The following EXOC6B variants were observed in gnomAD, a reference collection of about 807,000 sequenced individuals.
The protein encoded by EXOC6B is exocyst complex component 6B, also known as SEC15 homolog B.
Under a neutral mutation model 113.5 loss-of-function variants are expected in EXOC6B, and 54 were observed. The observed-to-expected ratio is 0.48, with a 90% confidence interval of 0.38 to 0.60. The LOEUF is 0.60. EXOC6B is among the 20% of genes least tolerant of loss of function. EXOC6B has a pLI of 0.00. For synonymous variants in EXOC6B, 357 were observed against 339.0 expected, an observed-to-expected ratio of 1.05 and a Z score of -0.58; for missense variants, 797 against 977.5, an observed-to-expected ratio of 0.82 and a Z score of 2.46.
At chr2:72,183,753 A>T (rs569939137) in intron 21 of EXOC6B, among the ~76,000 whole-genome samples, 1 of 150,840 alleles carries the variant, frequency 6.6e-6, no homozygotes, top group East Asian at 1.9e-4. Context: ...CTGAGCCCCA[A>T]ACCGAGCCAT....
intron 20 of EXOC6B, among the ~76,000 whole-genome samples, chr2:72,212,122 G>T (rs1469979284): frequency 6.6e-6 from 1 of 152,206 alleles, no homozygotes; most frequent in African/African-American, 2.4e-5. Flanking sequence ...GTTTCTAAAG[G>T]TGGTTGACAG....
chr2:72,195,936 A>C (rs1273239164), intron 20 of EXOC6B, among the ~76,000 whole-genome samples: 1 of 152,224 alleles, frequency 6.6e-6, no homozygotes, highest in Non-Finnish European at 1.5e-5. Context: ...GTGTATGTAC[A>C]AGCAGACTTT....
chr2:72,823,159 A>AG (rs1285691702), intron 1 of EXOC6B, among the ~76,000 whole-genome samples: 1 of 151,366 alleles, frequency 6.6e-6, no homozygotes, highest in African/African-American at 2.4e-5. Context: ...CTAAAAAAAA[A>AG]AAAAAAAAAA....
intron 18 of EXOC6B, among the ~76,000 whole-genome samples, chr2:72,452,214 A>T (rs1454674857): frequency 6.6e-6 from 1 of 152,202 alleles, no homozygotes; most frequent in African/African-American, 2.4e-5. Flanking sequence ...CTGTGATCAA[A>T]ATAGATGTCA....
chr2:72,484,566 C>CAAA (rs1163864913), intron 16 of EXOC6B, among the ~76,000 whole-genome samples: 9 of 52,410 alleles, frequency 1.7e-4, no homozygotes, highest in Admixed American at 4.7e-4. Context: ...GACTCCGTCA[C>CAAA]AAAAAAAAAA....
chr2:72,406,447 T>G (rs925353513), intron 18 of EXOC6B, among the ~76,000 whole-genome samples: 1 of 152,136 alleles, frequency 6.6e-6, no homozygotes, highest in African/African-American at 2.4e-5. Flanking sequence ...GACCACATAG[T>G]TGGAAGTAAA....
intron 20 of EXOC6B, among the ~76,000 whole-genome samples, chr2:72,312,493 TG>T (rs1283167231): frequency 6.6e-6 from 1 of 152,108 alleles, no homozygotes; most frequent in African/African-American, 2.4e-5. Flanking sequence ...GAATTTTTTT[TG>T]CAAGCACACA....
chr2:72,240,300 T>C (rs1454093634), intron 20 of EXOC6B, among the ~76,000 whole-genome samples: 2 of 152,150 alleles, frequency 1.3e-5, no homozygotes, highest in African/African-American at 4.8e-5. Context: ...TTTCGAAAGG[T>C]TTAATGCTTT....
intron 8 of EXOC6B, among the ~76,000 whole-genome samples, chr2:72,550,816 T>C (rs1703168037): frequency 6.6e-6 from 1 of 152,124 alleles, no homozygotes; most frequent in African/African-American, 2.4e-5. Context: ...TCTACATGTC[T>C]ATAGTTTATG....
At chr2:72,758,470 C>A (rs1682571485) in intron 1 of EXOC6B, among the ~76,000 whole-genome samples, 2 of 152,024 alleles carry the variant, frequency 1.3e-5, no homozygotes, top group Non-Finnish European at 2.9e-5. Flanking sequence ...CATCATAAAG[C>A]TATTTACAAA....
chr2:72,695,159 T>C (rs1677782466), intron 6 of EXOC6B, among the ~76,000 whole-genome samples: 2 of 152,196 alleles, frequency 1.3e-5, no homozygotes, highest in South Asian at 4.1e-4. Context: ...TGTTAATCTC[T>C]CTGGCTACAT....
chr2:72,703,019 A>G (rs1201971447), intron 6 of EXOC6B, among the ~76,000 whole-genome samples: 1 of 149,196 alleles, frequency 6.7e-6, no homozygotes, highest in African/African-American at 2.4e-5. Context: ...CTGAATGGTA[A>G]TGCCTAGGTT....
chr2:72,285,039 G>A (rs896879288), intron 20 of EXOC6B, among the ~76,000 whole-genome samples: 3 of 152,028 alleles, frequency 2.0e-5, no homozygotes, highest in Admixed American at 2.0e-4. Context: ...CAAGATATCA[G>A]TTCTTTCCAA....
intron 1 of EXOC6B, among the ~76,000 whole-genome samples, chr2:72,775,862 AT>A (rs1683670777): frequency 6.6e-6 from 1 of 152,196 alleles, no homozygotes; most frequent in Admixed American, 6.5e-5. Context: ...CCTACATGAG[AT>A]AAAATTGTAC....
At chr2:72,667,285 A>G (rs1675462789) in intron 6 of EXOC6B, among the ~76,000 whole-genome samples, 1 of 152,258 alleles carries the variant, frequency 6.6e-6, no homozygotes, top group South Asian at 2.1e-4. Flanking sequence ...AATATTGTTA[A>G]CATGGCCATA....
At chr2:72,742,353 T>G (rs149699029) in intron 1 of EXOC6B, among the ~76,000 whole-genome samples, 26 of 152,330 alleles carry the variant, frequency 1.7e-4, no homozygotes, top group African/African-American at 5.5e-4. Flanking sequence ...TAATAAAAGA[T>G]GAAGTCTCAA....
chr2:72,559,615 A>ATTTCTCACTTAC (rs1703769678), intron 7 of EXOC6B, 94 bp from the exon 8 acceptor site: 1 of 958,848 alleles, frequency 1.0e-6, no homozygotes, highest in Non-Finnish European at 1.6e-6. Flanking sequence ...TTCTTTTTAT[A>ATTTCTCACTTAC]AAGGCCAGTT....
intron 6 of EXOC6B, among the ~76,000 whole-genome samples, chr2:72,607,206 A>G (rs2104050299): frequency 6.6e-6 from 1 of 152,252 alleles, no homozygotes. Flanking sequence ...ATCTCAAGCT[A>G]TTTCTCCAGA....
intron 1 of EXOC6B, among the ~76,000 whole-genome samples, chr2:72,743,277 C>T (rs1005296510): frequency 1.2e-4 from 18 of 152,138 alleles, no homozygotes; most frequent in African/African-American, 4.3e-4. Context: ...CCACCCCCTG[C>T]CCCAAAACAG....
Sources: gnomAD v4.1 joint callset for allele counts (sites outside exome capture counted in the v4.1 genomes callset) on GRCh38, gnomAD v4.1.1 for gene constraint, MANE v1.5 for transcripts, NCBI Gene and HGNC (gene_info 2026-07-23, HGNC 2026-07-21) for gene names.